HIC2: variants seen among roughly 807,000 people sequenced by gnomAD.
HIC2 encodes the protein HIC ZBTB transcriptional repressor 2.
HIC2 carries 2 observed loss-of-function variants against 39.5 expected under a neutral mutation model. That is an observed-to-expected ratio of 0.05 (90% CI 0.02 to 0.16). The LOEUF (loss-of-function observed/expected upper bound fraction) is 0.16, where lower values mean the gene tolerates loss of function less well. Ranked by LOEUF, HIC2 falls within the 10% of genes least tolerant of loss-of-function variation. HIC2 has a pLI of 1.00. For synonymous variants in HIC2, 399 were observed against 368.8 expected (o/e 1.08, Z -0.94); for missense variants, 713 against 863.5 (o/e 0.83, Z 2.18).
At chr22:21,425,685 C>G (rs1289509270) in intron 1 of HIC2, among the ~76,000 whole-genome samples, 2 of 145,352 alleles carry the variant, frequency 1.4e-5, no homozygotes, top group Non-Finnish European at 3.0e-5. Context: ...GGATTACAGG[C>G]GCCTGCCACC....
At position 21,425,542 on chromosome 22, in the gene HIC2, CT is replaced by C. The variant is rs1207096707; in HGVS notation, c.-74+7999del. Among the ~76,000 whole-genome samples the C allele has an allele frequency of 3.2e-3, 195 of 60,600 alleles. 1 individual carries two copies. The highest frequency in any genetic ancestry group is 0.025 in the Admixed American group (165 of 6,614). The allele number at this position is 60,600 out of a possible 152,430, so 39.8% of individuals were successfully genotyped here. A position where few individuals can be genotyped will look rare whatever the true frequency, so the allele number is the denominator to read the frequency against. ...CGCCACCACGCCTGGTTAATTTTTT[CT>C]TTTTTTTTTTTTTTTTGAGACGGAG... On this transcript the variant is annotated intron_variant, in intron 1 of 2. Coordinates refer to ENST00000407464, the MANE Select transcript of HIC2 (RefSeq NM_015094.3).
Position 21,445,286 on chromosome 22 carries a change from T to C in HIC2, c.391T>C (p.Leu131=). Reference sequence around the variant, plus strand: ...CGCCAGCTACCTCCAGCTGCCCGAGTTGGCAGCCCTCTGCCGCCGCAAACT... The same window carrying C: ...CGCCAGCTACCTCCAGCTGCCCGAGCTGGCAGCCCTCTGCCGCCGCAAACT... ...TAASYLQLPE[L]AALCRRKLKR... is the part of the protein sequence containing the mutation. Residue 131 remains leucine, a synonymous_variant, in exon 3 of 3, where the codon TTG becomes CTG. Coordinates refer to ENST00000407464, the MANE Select transcript of HIC2 (RefSeq NM_015094.3). 1 of 1,610,486 alleles carries C rather than the reference T, an allele frequency of 6.2e-7. No homozygotes were observed.
At position 21,448,013 on chromosome 22, in the gene HIC2, C is replaced by T. The variant is rs911274140; in HGVS notation, c.*1270C>T. ...AAGTCGTGTGCAGGAGCCAGCAGGG[C>T]GCCAAGTGGCCCAGTGCCTGCAGCT... On this transcript the variant is annotated 3_prime_UTR_variant, in exon 3 of 3. Coordinates refer to ENST00000407464, the MANE Select transcript of HIC2 (RefSeq NM_015094.3). 3 of 152,760 alleles carry T rather than the reference C, an allele frequency of 2.0e-5. No homozygotes were observed. The highest frequency in any genetic ancestry group is 7.2e-5 in the African/African-American group (3 of 41,440). The allele number at this position is 152,760 out of a possible 1,614,324, so 9.5% of individuals were successfully genotyped here.
At position 21,446,920 on chromosome 22, in the gene HIC2, G is replaced by A; in HGVS notation, c.*177G>A. On this transcript the variant is annotated 3_prime_UTR_variant, in exon 3 of 3. Transcript: ENST00000407464. The stretch of plus-strand genomic sequence containing the variant: ...TAATGGACAGTCCGTACCAAGCAGA[G>A]CCGAGAGGAGGGAAGCCAGGGGTCC... 1.1e-6 allele frequency: 1 copy of A among 904,488 alleles called. No individual in the cohort carries two copies. Among genetic ancestry groups the A allele is most frequent in the Non-Finnish European group, 1.6e-6 (1 of 623,328 alleles). 56.0% of individuals were successfully genotyped at this position (904,488 alleles called of 1,614,324 possible).
At position 21,445,323 on chromosome 22, in the gene HIC2, G is replaced by A. The variant is rs866873793; in HGVS notation, c.428G>A (p.Gly143Asp). Residue 143 changes from glycine to aspartate, a missense_variant, in exon 3 of 3, where the codon GGC becomes GAC. Gly to Asp is a moderately conservative substitution (Grantham distance 94). Around this residue, in one of 5 missense-constraint regions of HIC2, gnomAD observed 457 missense variants for 420.2 expected, o/e 1.09. Coordinates refer to ENST00000407464, the MANE Select transcript of HIC2 (RefSeq NM_015094.3). ...ALCRRKLKRA[G>D]KPFGSGRAGS... ...TGCCGCCGCAAACTCAAGCGAGCCGGCAAGCCCTTTGGCTCTGGGAGGGCG... is the reference window on the plus strand; with the variant it reads ...TGCCGCCGCAAACTCAAGCGAGCCGACAAGCCCTTTGGCTCTGGGAGGGCG... 1 of 1,599,592 alleles carries A rather than the reference G, an allele frequency of 6.3e-7. No homozygotes were observed.
At chr22:21,443,512 A>G (rs1055300807) in intron 2 of HIC2, among the ~76,000 whole-genome samples, 25 of 152,012 alleles carry the variant, frequency 1.6e-4, no homozygotes, top group Admixed American at 1.5e-3. Context: ...GGGGCAGTAG[A>G]TCCCAGAGGG....
At chr22:21,443,253 G>A (rs1244374908) in intron 2 of HIC2, among the ~76,000 whole-genome samples, 1 of 152,182 alleles carries the variant, frequency 6.6e-6, no homozygotes, top group Non-Finnish European at 1.5e-5. Flanking sequence ...GCAGAGAGCC[G>A]CTGGCGGGTG....
At chr22:21,430,923 T>C (rs1923302896) in intron 1 of HIC2, among the ~76,000 whole-genome samples, 2 of 82,258 alleles carry the variant, frequency 2.4e-5, no homozygotes, top group Admixed American at 1.4e-4. Context: ...TGCACAAATC[T>C]TAAAGAATAG....
Position 21,446,056 on chromosome 22 carries a change from C to T in HIC2, c.1161C>T (p.Pro387=), listed in dbSNP as rs1923811052. The T allele has an allele frequency of 6.2e-7, 1 of 1,605,700 alleles. No homozygotes were observed. Among genetic ancestry groups the T allele is most frequent in the Admixed American group, 1.7e-5 (1 of 59,244 alleles). The change falls in exon 3 of 3, where the codon CCC becomes CCT. Residue 387 remains proline, a synonymous_variant. Coordinates refer to ENST00000407464, the MANE Select transcript of HIC2 (RefSeq NM_015094.3). ...CTAGTGGGGCTGGCCCTAGCGGGCCCTATGGGGAGCCCCCCTACCCCTGCA... is the reference window on the plus strand; with the variant it reads ...CTAGTGGGGCTGGCCCTAGCGGGCCTTATGGGGAGCCCCCCTACCCCTGCA... The part of the protein sequence containing the change: ...ILASGAGPSG[P]YGEPPYPCKE...
rs1923999986 is a variant in HIC2 at position 21,448,770 on chromosome 22, A to G, written c.*2027A>G. On this transcript the variant is annotated 3_prime_UTR_variant, in exon 3 of 3. Coordinates refer to ENST00000407464, the MANE Select transcript of HIC2 (RefSeq NM_015094.3). ...ATGGCCCCTCTTCCCTCCTGGTGGG[A>G]GACAGAGGACTGGACCCTGGGTCTC... 6.6e-6 allele frequency: 1 copy of G among 152,582 alleles called. No individual in the cohort carries two copies. The highest frequency in any genetic ancestry group is 2.4e-5 in the African/African-American group (1 of 41,346). 9.5% of individuals were successfully genotyped at this position (152,582 alleles called of 1,614,324 possible).
In HIC2 at chr22:21,451,089, G is replaced by C. The variant is rs1417866653; in HGVS notation, c.*4346G>C. 6.6e-6 allele frequency: 1 copy of C among 152,654 alleles called. No individual in the cohort carries two copies. Among genetic ancestry groups the C allele is most frequent in the Non-Finnish European group, 1.5e-5 (1 of 68,044 alleles). 9.5% of individuals were successfully genotyped at this position (152,654 alleles called of 1,614,324 possible). A position where few individuals can be genotyped will look rare whatever the true frequency, so the allele number is the denominator to read the frequency against. ...CTCTGCCCTCTCCCACCCCGGGGGG[G>C]ACCCAGGTTGGGCACTGGCTCATTT... On this transcript the variant is annotated 3_prime_UTR_variant, in exon 3 of 3. Coordinates refer to ENST00000407464, the MANE Select transcript of HIC2 (RefSeq NM_015094.3).
chr22:21,430,596 C>A (rs1340700645), intron 1 of HIC2, among the ~76,000 whole-genome samples: 1 of 2,238 alleles, frequency 4.5e-4, no homozygotes, highest in African/African-American at 2.1e-3. Flanking sequence ...TGTAAATAGG[C>A]CGGGCATGGT....
In HIC2 at chr22:21,445,371, C is replaced by A. The variant is rs939224586; in HGVS notation, c.476C>A (p.Pro159His). The change falls in exon 3 of 3, where the codon CCC becomes CAC. Residue 159 changes from proline (P) to histidine (H), a missense_variant. This residue lies in a region of HIC2 where 457 missense variants were observed against 420.2 expected (regional missense o/e 1.09). Transcript: ENST00000407464. The stretch of plus-strand genomic sequence containing the variant: ...GCGGGGTCCACTGGCATGGGGCGGC[C>A]CCCCCGCAGCCAGCGGCTGTCCACG... ...GRAGSTGMGR[P>H]PRSQRLSTAS... 4.5e-6 allele frequency: 7 copies of A among 1,556,302 alleles called. No individual in the cohort carries two copies. The highest frequency in any genetic ancestry group is 5.2e-6 in the Non-Finnish European group (6 of 1,152,756).
At position 21,446,088 on chromosome 22, in the gene HIC2, A is replaced by T. The variant is rs1923815543; in HGVS notation, c.1193A>T (p.Glu398Val). 6.2e-7 allele frequency: 1 copy of T among 1,607,916 alleles called. No individual in the cohort carries two copies. Among genetic ancestry groups the T allele is most frequent in the East Asian group, 2.2e-5 (1 of 44,856 alleles). Residue 398 changes from glutamate to valine, a missense_variant, in exon 3 of 3, where the codon GAG (glutamate) becomes GTG (valine). Transcript: ENST00000407464. ...YGEPPYPCKEEEENGKDASED... is the reference protein window; with the variant it reads ...YGEPPYPCKEVEENGKDASED... Reference sequence around the variant, plus strand: ...GAGCCCCCCTACCCCTGCAAGGAGGAGGAGGAGAACGGCAAGGATGCAAGT... The same window carrying T: ...GAGCCCCCCTACCCCTGCAAGGAGGTGGAGGAGAACGGCAAGGATGCAAGT...
chr22:21,445,549 C>T lies in HIC2; in HGVS notation c.654C>T (p.Val218=), dbSNP rs2148342529. ...QDSVQGLGRA[V]CPAGGEAGLG... ...GCGTGCAAGGTCTGGGCCGGGCTGTCTGCCCAGCTGGCGGGGAGGCGGGTC... is the reference window on the plus strand; with the variant it reads ...GCGTGCAAGGTCTGGGCCGGGCTGTTTGCCCAGCTGGCGGGGAGGCGGGTC... The change falls in exon 3 of 3, where the codon GTC becomes GTT. Residue 218 remains valine (V), a synonymous_variant. Transcript: ENST00000407464. 1 of 1,598,502 alleles carries T rather than the reference C, an allele frequency of 6.3e-7. No homozygotes were observed. The highest frequency in any genetic ancestry group is 1.7e-4 in the Middle Eastern group (1 of 5,958).
At position 21,446,923 on chromosome 22, in the gene HIC2, G is replaced by T; in HGVS notation, c.*180G>T. Reference sequence around the variant, plus strand: ...TGGACAGTCCGTACCAAGCAGAGCCGAGAGGAGGGAAGCCAGGGGTCCCAG... The same window carrying T: ...TGGACAGTCCGTACCAAGCAGAGCCTAGAGGAGGGAAGCCAGGGGTCCCAG... On this transcript the variant is annotated 3_prime_UTR_variant, in exon 3 of 3. Transcript: ENST00000407464. 1.1e-6 allele frequency: 1 copy of T among 885,686 alleles called. No individual in the cohort carries two copies. Among genetic ancestry groups the T allele is most frequent in the East Asian group, 2.7e-5 (1 of 36,380 alleles). The allele number at this position is 885,686 out of a possible 1,614,324, so 54.9% of individuals were successfully genotyped here.
rs1601343891 is a variant in HIC2, at chr22:21,451,013, T to A, written c.*4270T>A. 6.5e-6 allele frequency: 1 copy of A among 152,706 alleles called. No homozygotes were observed. Among genetic ancestry groups the A allele is most frequent in the Non-Finnish European group, 1.5e-5 (1 of 68,028 alleles). The allele number at this position is 152,706 out of a possible 1,614,324, so 9.5% of individuals were successfully genotyped here. A position where few individuals can be genotyped will look rare whatever the true frequency, so the allele number is the denominator to read the frequency against. On this transcript the variant is annotated 3_prime_UTR_variant, in exon 3 of 3. Coordinates refer to ENST00000407464, the MANE Select transcript of HIC2 (RefSeq NM_015094.3). Reference sequence around the variant, plus strand: ...CCCACCCTCCACTTGGCGGGCCCCGTGGGGCCAGGTGCTGAGGGGAGCCTC... The same window carrying A: ...CCCACCCTCCACTTGGCGGGCCCCGAGGGGCCAGGTGCTGAGGGGAGCCTC...
chr22:21,421,580 T>G (rs1368169528), intron 1 of HIC2, among the ~76,000 whole-genome samples: 2 of 83,670 alleles, frequency 2.4e-5, no homozygotes, highest in East Asian at 5.7e-4. Flanking sequence ...AGAGTGGGAG[T>G]GCAGCCTCGG....
intron 2 of HIC2, 42 bp from the exon 3 acceptor site, chr22:21,444,880 G>A (rs1923712372): frequency 6.3e-7 from 1 of 1,576,112 alleles, no homozygotes; most frequent in Non-Finnish European, 8.6e-7. Flanking sequence ...TGGTCCGAGT[G>A]TGCCAGTCAT....
Sources: allele counts gnomAD v4.1 joint callset (sites outside exome capture counted in the v4.1 genomes callset), GRCh38; gene constraint gnomAD v4.1.1; regional missense constraint gnomAD v4.1.1; transcripts MANE v1.5; gene names NCBI Gene and HGNC (gene_info 2026-07-23, HGNC 2026-07-21).